The following CCDC187 variants were observed in gnomAD, a reference collection of about 807,000 sequenced individuals.
The protein encoded by CCDC187 is coiled-coil domain-containing protein 187.
A neutral mutation model predicts 38.0 loss-of-function variants in CCDC187; 32 were observed. The ratio of observed to expected loss-of-function variants is 0.84; its 90% confidence interval spans 0.64 to 1.13. The LOEUF (loss-of-function observed/expected upper bound fraction) is 1.13. Among genes scored for constraint, CCDC187 ranks in the 50% most tolerant of loss-of-function variants. The probability of loss-of-function intolerance (pLI) is 0.00; values close to 1 mark genes in which losing one functional copy is unlikely to be tolerated. For missense variants in CCDC187, 707 were observed against 786.8 expected (o/e 0.90, Z 1.21); for synonymous variants, 333 against 347.9 (o/e 0.96, Z 0.48).
upstream of CCDC187, among the ~76,000 whole-genome samples, chr9:136,305,671 C>T (rs940742163): frequency 0.014 from 2,191 of 152,354 alleles, 42 homozygotes; most frequent in Middle Eastern, 0.054. Context: ...AGCCACTCAG[C>T]AGCTGCCTGG....
Position 136,279,791 on chromosome 9 carries a change from C to T in CCDC187, c.3040+1760G>A, listed in dbSNP as rs897003126. Among the ~76,000 whole-genome samples, 122 of 152,364 alleles carry T rather than the reference C, an allele frequency of 8.0e-4. 1 individual carries two copies. Among genetic ancestry groups the T allele is most frequent in the Non-Finnish European group, 1.5e-3 (103 of 68,034 alleles). ...CCTCATGTTGAAATACAAGGCAATT[C>T]AGCCATGAGGCGGCAATTCAGCCAC... On this transcript the variant is annotated intron_variant, in intron 10 of 25. Transcript: ENST00000638797.
At position 136,258,671 on chromosome 9, in the gene CCDC187, G is replaced by C. The variant is rs1044151189; in HGVS notation, c.4366+261C>G. The C allele has an allele frequency of 4.6e-5, 45 of 984,214 alleles. No homozygotes were observed. In the African/African-American group the frequency reaches 7.0e-4, roughly 15 times the overall value. 61.0% of individuals were successfully genotyped at this position (984,214 alleles called of 1,614,324 possible). On this transcript the variant is annotated intron_variant, in intron 22 of 25. Transcript: ENST00000638797. The surrounding 1 kb of genome is among the most constrained non-coding windows in gnomAD (Gnocchi z 4.3). ...TAAAAATCTGCCCCAGATGAACGAA[G>C]TTGCGACTAAAACAATCCCAGCCAG...
chr9:136,286,046 G>A (rs1831171384), intron 8 of CCDC187, 39 bp downstream of exon 8: 4 of 398,016 alleles, frequency 1.0e-5, no homozygotes, highest in Non-Finnish European at 1.8e-5. Flanking sequence ...AGGACCCCCT[G>A]GCCACCCAGC....
upstream of CCDC187, among the ~76,000 whole-genome samples, chr9:136,305,990 G>C (rs952335813): frequency 3.9e-5 from 6 of 152,202 alleles, no homozygotes; most frequent in African/African-American, 1.4e-4. Flanking sequence ...GATGTTGTCC[G>C]TGCCACGGGG....
chr9:136,255,834 C>T, intron 24 of CCDC187, 101 bp from the exon 25 acceptor site: 1 of 542,708 alleles, frequency 1.8e-6, no homozygotes, highest in Non-Finnish European at 2.4e-6. Context: ...GTCCACAGCT[C>T]ACACTCGAAA....
chr9:136,272,724 A>C (rs1158973507), intron 14 of CCDC187, among the ~76,000 whole-genome samples: 1 of 151,572 alleles, frequency 6.6e-6, no homozygotes, highest in Non-Finnish European at 1.5e-5. Flanking sequence ...AAAAACAAAA[A>C]CTAGCTTGGG....
intron 15 of CCDC187, chr9:136,267,733 G>C: frequency 1.1e-6 from 1 of 883,638 alleles, no homozygotes; most frequent in Non-Finnish European, 1.4e-6. Context: ...AGGATCTTTA[G>C]CATCTCGGCC....
At position 136,281,087 on chromosome 9, in the gene CCDC187, G is replaced by A. The variant is rs1379222479; in HGVS notation, c.3040+464C>T. The A allele has an allele frequency of 8.3e-5, 21 of 253,714 alleles. No homozygotes were observed. The East Asian group carries it at 1.5e-3, about 18-fold the overall frequency. 15.7% of individuals were successfully genotyped at this position (253,714 alleles called of 1,614,324 possible). A position where few individuals can be genotyped will look rare whatever the true frequency, so the allele number is the denominator to read the frequency against. On this transcript the variant is annotated intron_variant, in intron 10 of 25. Coordinates refer to ENST00000638797, the MANE Select transcript of CCDC187 (RefSeq NM_001378188.1). ...GCCCTGCCAAGCCCCCCAGCCAGGAGGGTCCTACAGCGCAGCCCACGCCAG... is the reference window on the plus strand; with the variant it reads ...GCCCTGCCAAGCCCCCCAGCCAGGAAGGTCCTACAGCGCAGCCCACGCCAG...
chr9:136,271,656 G>A (rs1490983845), intron 14 of CCDC187, among the ~76,000 whole-genome samples: 1 of 142,310 alleles, frequency 7.0e-6, no homozygotes, highest in South Asian at 2.3e-4. Context: ...CAGCCAGGCT[G>A]GAGTGCGGTG....
intron 3 of CCDC187, among the ~76,000 whole-genome samples, chr9:136,300,005 G>C (rs920398772): frequency 2.0e-5 from 3 of 152,236 alleles, no homozygotes; most frequent in African/African-American, 7.2e-5. Context: ...TGCAGGGCCT[G>C]CCTGGGTCCT....
In CCDC187 at chr9:136,280,371, C is replaced by T. The variant is rs894251170; in HGVS notation, c.3040+1180G>A. ...CAGGTGCATACCAGGGCTGCAGAGG[C>T]TCCCACACCCTGGAGACTGGGAGAG... On this transcript the variant is annotated intron_variant, in intron 10 of 25. Transcript: ENST00000638797. 4.6e-4 allele frequency among the ~76,000 whole-genome samples: 70 copies of T among 152,340 alleles called. 1 individual carries two copies. In the East Asian group the frequency reaches 0.011, roughly 25 times the overall value.
rs925851640 is a variant in CCDC187, at chr9:136,258,618, G to T, written c.4366+314C>A. ...GCAGAAACCTCCGTCAGCTGAAGACGCTCAGGCAGTGCTGGCTTCCAAACA... is the reference window on the plus strand; with the variant it reads ...GCAGAAACCTCCGTCAGCTGAAGACTCTCAGGCAGTGCTGGCTTCCAAACA... On this transcript the variant is annotated intron_variant, in intron 22 of 25. Transcript: ENST00000638797. This position sits in a 1 kb window ranked among gnomAD's most constrained non-coding sequence, Gnocchi z 4.3. The T allele has an allele frequency of 2.0e-5, 16 of 809,062 alleles. No homozygotes were observed. The highest frequency in any genetic ancestry group is 2.1e-5 in the Non-Finnish European group (14 of 668,826). The allele number at this position is 809,062 out of a possible 1,614,324, so 50.1% of individuals were successfully genotyped here.
At chr9:136,260,685 C>T (rs368138653) in intron 19 of CCDC187, among the ~76,000 whole-genome samples, 1 of 152,152 alleles carries the variant, frequency 6.6e-6, no homozygotes, top group African/African-American at 2.4e-5. Flanking sequence ...CTCCCTTTCT[C>T]CCCCGGGCAC....
Position 136,254,144 on chromosome 9 carries a change from G to T in CCDC187, c.5684C>A (p.Ser1895Tyr). 3.0e-6 allele frequency: 3 copies of T among 985,470 alleles called. No individual in the cohort carries two copies. The highest frequency in any genetic ancestry group is 2.4e-6 in the Non-Finnish European group (2 of 829,964). 61.0% of individuals were successfully genotyped at this position (985,470 alleles called of 1,614,324 possible). A position where few individuals can be genotyped will look rare whatever the true frequency, so the allele number is the denominator to read the frequency against. ...GCCGAAATCTGCCCCTTCACTCAAA[G>T]AGGTCCACGAAGGAAAGACCAGCAG... ...DSLLVFPSWT[S>Y]LSEGADFGKG... Residue 1895 changes from serine to tyrosine, a missense_variant, in exon 26 of 26, where the codon TCT (serine) becomes TAT (tyrosine). Coordinates refer to ENST00000638797, the MANE Select transcript of CCDC187 (RefSeq NM_001378188.1).
chr9:136,305,465 G>A (rs36154509), upstream of CCDC187, among the ~76,000 whole-genome samples: 38,915 of 152,122 alleles, frequency 0.26, 6,123 homozygotes, highest in South Asian at 0.4. Flanking sequence ...TGCTTCCCAG[G>A]GCCATCCGAG....
intron 16 of CCDC187, 82 bp from the exon 17 acceptor site, chr9:136,266,125 G>C (rs1830741607): frequency 1.2e-6 from 1 of 816,354 alleles, no homozygotes; most frequent in African/African-American, 1.9e-5. Context: ...AGCCAGCCCT[G>C]GTCGGCCACA....
At chr9:136,271,416 G>A (rs983570487) in intron 14 of CCDC187, among the ~76,000 whole-genome samples, 2 of 152,106 alleles carry the variant, frequency 1.3e-5, no homozygotes, top group East Asian at 3.9e-4. Context: ...AGCTACTTGG[G>A]AGGCTGAGGC....
intron 3 of CCDC187, among the ~76,000 whole-genome samples, chr9:136,298,914 A>G (rs1831602180): frequency 6.6e-6 from 1 of 152,228 alleles, no homozygotes; most frequent in South Asian, 2.1e-4. Flanking sequence ...TGAACTGGGC[A>G]CTTTAAAAAA....
intron 2 of CCDC187, among the ~76,000 whole-genome samples, chr9:136,302,602 C>T (rs935703918): frequency 2.0e-5 from 3 of 152,248 alleles, no homozygotes; most frequent in African/African-American, 7.2e-5. Context: ...GGCATCTCCA[C>T]CGCTCCTCTG....
Sources: gnomAD v4.1 joint callset for allele counts (sites outside exome capture counted in the v4.1 genomes callset) on GRCh38, gnomAD v4.1.1 for gene constraint, Gnocchi (gnomAD v3.1) non-coding constraint, MANE v1.5 for transcripts, NCBI Gene and HGNC (gene_info 2026-07-23, HGNC 2026-07-21) for gene names.